The following ARSF variants were observed in gnomAD, a reference collection of about 807,000 sequenced individuals.
The protein encoded by ARSF is arylsulfatase F.
Under a neutral mutation model 35.4 loss-of-function variants are expected in ARSF, and 33 were observed. That is an observed-to-expected ratio of 0.93 (90% CI 0.71 to 1.25). The LOEUF (loss-of-function observed/expected upper bound fraction) is 1.25. Among genes scored for constraint, ARSF ranks in the 50% most tolerant of loss-of-function variants. The probability of loss-of-function intolerance (pLI) is 0.00; values close to 1 mark genes in which losing one functional copy is unlikely to be tolerated. For missense variants in ARSF, 501 were observed against 480.2 expected, an observed-to-expected ratio of 1.04 and a Z score of -0.40; for synonymous variants, 222 against 193.1, an observed-to-expected ratio of 1.15 and a Z score of -1.24.
chrX:3,101,271 G>GTGGTTCTTATAATTAAAGCCCATGACAT, intron 8 of ARSF, 50 bp downstream of exon 8: 2 of 1,168,494 alleles, frequency 1.7e-6, no homozygotes, highest in Non-Finnish European at 2.3e-6. Flanking sequence ...AAGCTTTTTT[G>GTGGTTCTTATAATTAAAGCCCATGACAT]TGGTTCTTAT....
chrX:3,090,260 T>C (rs1569143545), intron 7 of ARSF, among the ~76,000 whole-genome samples: 2 of 111,957 alleles, frequency 1.8e-5, no homozygotes, highest in South Asian at 7.5e-4. Context: ...GTGAAGCAAA[T>C]AGTAATCATT....
At chrX:3,050,338 G>A (rs781306433) in intron 1 of ARSF, among the ~76,000 whole-genome samples, 1 of 109,677 alleles carries the variant, frequency 9.1e-6, no homozygotes, top group Admixed American at 9.9e-5. Flanking sequence ...GAGGTCAGGA[G>A]TTCGAGACCA....
At chrX:3,066,292 T>C (rs756376684) in intron 1 of ARSF, among the ~76,000 whole-genome samples, 3 of 111,602 alleles carry the variant, frequency 2.7e-5, no homozygotes, top group Non-Finnish European at 5.6e-5. Flanking sequence ...AGCCATCCTT[T>C]TGGGGTGGGT....
At chrX:3,048,484 T>C (rs779257597) in intron 1 of ARSF, among the ~76,000 whole-genome samples, 18 of 112,177 alleles carry the variant, frequency 1.6e-4, no homozygotes, top group Non-Finnish European at 2.6e-4. Flanking sequence ...CCAGCCTAAA[T>C]TGTGTATTCA....
At chrX:3,073,713 A>T (rs2147498010) in intron 3 of ARSF, among the ~76,000 whole-genome samples, 1 of 98,291 alleles carries the variant, frequency 1.0e-5, no homozygotes, top group South Asian at 4.0e-4. Context: ...GATTTATAAT[A>T]TATAAATATA....
At chrX:3,096,107 ATTAG>A (rs2043115121) in intron 7 of ARSF, among the ~76,000 whole-genome samples, 1 of 108,383 alleles carries the variant, frequency 9.2e-6, no homozygotes, top group South Asian at 3.8e-4. Flanking sequence ...CAATAGTATA[ATTAG>A]TTACATTTAT....
intron 1 of ARSF, among the ~76,000 whole-genome samples, chrX:3,043,795 T>G (rs1171193403): frequency 9.0e-6 from 1 of 111,523 alleles, no homozygotes; most frequent in Non-Finnish European, 1.9e-5. Context: ...GATTTGTTTA[T>G]TTTGGAGACA....
At chrX:3,102,890 A>C (rs185257816) in intron 8 of ARSF, among the ~76,000 whole-genome samples, 4 of 109,670 alleles carry the variant, frequency 3.6e-5, no homozygotes, top group African/African-American at 6.8e-5. Flanking sequence ...CCAGCCTGGC[A>C]ACAGAGCGAG....
At chrX:3,060,002 C>G (rs1202157766) in intron 1 of ARSF, among the ~76,000 whole-genome samples, 1 of 111,962 alleles carries the variant, frequency 8.9e-6, no homozygotes, top group Non-Finnish European at 1.9e-5. Context: ...GGTCCCTGAC[C>G]CCCTTGTAGC....
chrX:3,106,277 T>A (rs12392472), intron 9 of ARSF, among the ~76,000 whole-genome samples: 4,807 of 111,943 alleles, frequency 0.043, 263 homozygotes, highest in African/African-American at 0.15. Context: ...CAGCTTCACG[T>A]ACAGGTCGGC....
intron 1 of ARSF, among the ~76,000 whole-genome samples, chrX:3,044,838 G>GCAAT (rs376292165): frequency 3.6e-4 from 39 of 109,850 alleles, no homozygotes; most frequent in African/African-American, 1.3e-3. Flanking sequence ...GGCCAAAAAG[G>GCAAT]CAATCATCTG....
intron 1 of ARSF, among the ~76,000 whole-genome samples, chrX:3,055,152 G>C (rs188347908): frequency 0.03 from 3,186 of 106,361 alleles, 64 homozygotes; most frequent in Middle Eastern, 0.074. Context: ...AGACCAGCCT[G>C]AACAACATGG....
chrX:3,110,254 T>G lies in ARSF; in HGVS notation c.1390+2T>G, dbSNP rs754548652. 8 of 1,166,944 alleles carry G rather than the reference T, an allele frequency of 6.9e-6. No individual in the cohort carries two copies. The African/African-American group carries it at 1.1e-4, about 16-fold the overall frequency. On this transcript the variant is annotated splice_donor_variant, in intron 10 of 10. Transcript: ENST00000381127. LOFTEE classifies it high-confidence loss of function. Reference sequence around the variant, plus strand: ...TGCGGTGGATCCCCAAGGACGACAGTGAGTGCTCAACCCGTTGCTTCCTGT... The same window carrying G: ...TGCGGTGGATCCCCAAGGACGACAGGGAGTGCTCAACCCGTTGCTTCCTGT...
rs370519085 is a variant in ARSF, at chrX:3,051,144, G to A, written c.-29+9481G>A. On this transcript the variant is annotated intron_variant, in intron 1 of 10. Transcript: ENST00000381127. ...TAACAATAACTGAACTCTTTCTACCGATTTCCAGTGAGAAAATCTATGCAT... is the reference window on the plus strand; with the variant it reads ...TAACAATAACTGAACTCTTTCTACCAATTTCCAGTGAGAAAATCTATGCAT... 7.2e-5 allele frequency among the ~76,000 whole-genome samples: 8 copies of A among 111,427 alleles called. No homozygotes were observed. The East Asian group carries it at 1.7e-3, about 24-fold the overall frequency.
chrX:3,055,425 C>T (rs1664114483), intron 1 of ARSF, among the ~76,000 whole-genome samples: 1 of 108,895 alleles, frequency 9.2e-6, no homozygotes, highest in Non-Finnish European at 1.9e-5. Flanking sequence ...CAAACTATTG[C>T]TGGACAAGAT....
intron 4 of ARSF, among the ~76,000 whole-genome samples, chrX:3,080,087 G>A (rs1308186970): frequency 9.1e-6 from 1 of 109,759 alleles, no homozygotes; most frequent in Non-Finnish European, 1.9e-5. Context: ...CAAATTATGT[G>A]GATTCCAGAT....
At chrX:3,073,126 A>T (rs1362181221) in intron 3 of ARSF, among the ~76,000 whole-genome samples, 1 of 99,379 alleles carries the variant, frequency 1.0e-5, no homozygotes, top group African/African-American at 3.6e-5. Flanking sequence ...GTAAATATAT[A>T]TTCATTTTAT....
At position 3,110,133 on chromosome X, in the gene ARSF, T is replaced by C. The variant is rs372976689; in HGVS notation, c.1271T>C (p.Ile424Thr). The C allele has an allele frequency of 3.2e-5, 38 of 1,182,769 alleles. No homozygotes were observed. In the East Asian group the frequency reaches 3.6e-4, roughly 11 times the overall value. ...SGGSLPQDRVIDGRDLMPLLQ... is the reference protein window; with the variant it reads ...SGGSLPQDRVTDGRDLMPLLQ... ...CACTGTCTGTGTCTCTGCAGGGTCA[T>C]TGACGGCCGAGACCTCATGCCCTTG... is the stretch of plus-strand genomic sequence containing the variant. The change falls in exon 10 of 11, where the codon ATT (isoleucine) becomes ACT (threonine). Residue 424 changes from isoleucine (I) to threonine (T), a missense_variant. Coordinates refer to ENST00000381127, the MANE Select transcript of ARSF (RefSeq NM_001201539.2).
At chrX:3,069,953 A>C (rs908017735) in intron 2 of ARSF, among the ~76,000 whole-genome samples, 2 of 111,985 alleles carry the variant, frequency 1.8e-5, no homozygotes, top group Non-Finnish European at 3.8e-5. Flanking sequence ...ATACATTCTT[A>C]TTAACTACAG....
Sources: allele counts gnomAD v4.1 joint callset (sites outside exome capture counted in the v4.1 genomes callset), GRCh38; gene constraint gnomAD v4.1.1; transcripts MANE v1.5; gene names NCBI Gene and HGNC (gene_info 2026-07-23, HGNC 2026-07-21).